Variants in CPEB3 observed in about 807,000 individuals in gnomAD.
CPEB3 encodes cytoplasmic polyadenylation element binding protein 3.
Under a neutral mutation model 67.2 loss-of-function variants are expected in CPEB3, and 20 were observed. That is an observed-to-expected ratio of 0.30 (90% CI 0.21 to 0.43). The LOEUF (loss-of-function observed/expected upper bound fraction) is 0.43, where lower values mean the gene tolerates loss of function less well. CPEB3 is among the 20% of genes least tolerant of loss of function. The probability of loss-of-function intolerance (pLI) is 1.00; values close to 1 mark genes in which losing one functional copy is unlikely to be tolerated. For missense variants in CPEB3, 746 were observed against 968.6 expected, an observed-to-expected ratio of 0.77 and a Z score of 3.05; for synonymous variants, 376 against 393.1, an observed-to-expected ratio of 0.96 and a Z score of 0.51.
In CPEB3 at chr10:92,263,004, A is replaced by G. The variant is rs1374937404; in HGVS notation, c.-11-22643T>C. 2.6e-5 allele frequency among the ~76,000 whole-genome samples: 4 copies of G among 152,202 alleles called. No homozygotes were observed. In the East Asian group the frequency reaches 7.8e-4, roughly 30 times the overall value. ...AGGCTGGTCTCAAATTCCTGGGCTC[A>G]AGCAGTCCTCCCGCCTCAGCCTCTC... On this transcript the variant is annotated intron_variant, in intron 1 of 9. Transcript: ENST00000265997.
chr10:92,185,514 A>G (rs964682168), intron 3 of CPEB3, among the ~76,000 whole-genome samples: 4 of 152,236 alleles, frequency 2.6e-5, no homozygotes, highest in Admixed American at 6.5e-5. Context: ...TCAAAGTTTC[A>G]GAATCCAACT....
At chr10:92,272,247 A>C (rs1853339468) in intron 1 of CPEB3, 1 of 152,152 alleles carries the variant, frequency 6.6e-6, no homozygotes, top group Admixed American at 6.5e-5. Context: ...AACTTTGGAC[A>C]GACTCTCATC....
chr10:92,135,860 A>C (rs111836917), intron 6 of CPEB3, among the ~76,000 whole-genome samples: 2 of 152,298 alleles, frequency 1.3e-5, no homozygotes, highest in African/African-American at 4.8e-5. Flanking sequence ...TGTCCTTTGT[A>C]GGGACATGGA....
In CPEB3 at chr10:92,052,545, C is replaced by T. The variant is rs886652263; in HGVS notation, c.1870-106G>A. On this transcript the variant is annotated intron_variant, in intron 9 of 9. Transcript: ENST00000265997. ...AGCTTCAACGTATGTCTCAATCAGACGCTGCTTTCAACTCTGCTGATACTG... is the reference window on the plus strand; with the variant it reads ...AGCTTCAACGTATGTCTCAATCAGATGCTGCTTTCAACTCTGCTGATACTG... The T allele has an allele frequency of 7.6e-5, 71 of 939,028 alleles. No homozygotes were observed. The African/African-American group carries it at 8.0e-4, about 11-fold the overall frequency. 58.2% of individuals were successfully genotyped at this position (939,028 alleles called of 1,614,324 possible). A position where few individuals can be genotyped will look rare whatever the true frequency, so the allele number is the denominator to read the frequency against.
At chr10:92,151,835 T>TCTCCAAGATCTATCTTTA (rs1264100739) in intron 4 of CPEB3, among the ~76,000 whole-genome samples, 1 of 152,128 alleles carries the variant, frequency 6.6e-6, no homozygotes, top group South Asian at 2.1e-4. Flanking sequence ...TTGATCCCAT[T>TCTCCAAGATCTATCTTTA]CTCCAAGATC....
At chr10:92,164,920 T>C (rs1024894225) in intron 4 of CPEB3, among the ~76,000 whole-genome samples, 36 of 152,318 alleles carry the variant, frequency 2.4e-4, no homozygotes, top group African/African-American at 8.2e-4. Context: ...TGTTTTCTAC[T>C]AATTATTACA....
intron 6 of CPEB3, among the ~76,000 whole-genome samples, chr10:92,139,535 A>G (rs992150588): frequency 2.6e-5 from 4 of 151,326 alleles, no homozygotes; most frequent in Non-Finnish European, 4.4e-5. Flanking sequence ...AGAGGCTGGA[A>G]AGAAGGTGGG....
At chr10:92,221,119 AC>A (rs1368633920) in intron 2 of CPEB3, among the ~76,000 whole-genome samples, 4 of 152,232 alleles carry the variant, frequency 2.6e-5, no homozygotes, top group African/African-American at 9.6e-5. Context: ...GGTCATTTGA[AC>A]AAACAGCAAT....
intron 4 of CPEB3, among the ~76,000 whole-genome samples, chr10:92,179,667 C>G (rs1848378991): frequency 6.6e-6 from 1 of 152,152 alleles, no homozygotes. Flanking sequence ...TTCTTATTGT[C>G]TCTAAGACCA....
At chr10:92,237,115 A>T (rs781308853) in intron 2 of CPEB3, among the ~76,000 whole-genome samples, 6 of 152,236 alleles carry the variant, frequency 3.9e-5, no homozygotes, top group Non-Finnish European at 5.9e-5. Flanking sequence ...AATTCTGCAC[A>T]CAAGACTCAG....
At chr10:92,177,442 A>G (rs1028562720) in intron 4 of CPEB3, among the ~76,000 whole-genome samples, 11 of 152,196 alleles carry the variant, frequency 7.2e-5, no homozygotes, top group Non-Finnish European at 1.6e-4. Flanking sequence ...TATTTTGAGA[A>G]AGGCCAAAAT....
At chr10:92,160,699 T>G (rs914407745) in intron 4 of CPEB3, among the ~76,000 whole-genome samples, 1 of 152,214 alleles carries the variant, frequency 6.6e-6, no homozygotes, top group African/African-American at 2.4e-5. Flanking sequence ...ATTGCAATAC[T>G]AAGGTACAAA....
intron 2 of CPEB3, among the ~76,000 whole-genome samples, chr10:92,208,181 T>C (rs956393936): frequency 3.3e-5 from 5 of 152,218 alleles, no homozygotes; most frequent in African/African-American, 7.2e-5. Context: ...AGCCTGAGTA[T>C]GCTAGAAAGT....
chr10:92,270,038 T>TG (rs1000912885), intron 1 of CPEB3, among the ~76,000 whole-genome samples: 14 of 39,980 alleles, frequency 3.5e-4, no homozygotes, highest in South Asian at 9.0e-4. Context: ...TTATGGGGGG[T>TG]GGGGGGGAAG....
At chr10:92,129,648 A>G (rs1845753032) in intron 6 of CPEB3, among the ~76,000 whole-genome samples, 1 of 152,162 alleles carries the variant, frequency 6.6e-6, no homozygotes, top group Admixed American at 6.5e-5. Flanking sequence ...TACTGGGATC[A>G]TATAACTGAC....
intron 2 of CPEB3, among the ~76,000 whole-genome samples, chr10:92,200,730 G>A (rs968027657): frequency 2.0e-5 from 3 of 151,836 alleles, no homozygotes; most frequent in African/African-American, 4.8e-5. Context: ...ACCAAGGATA[G>A]TATCACCTGC....
intron 2 of CPEB3, among the ~76,000 whole-genome samples, chr10:92,215,739 CTTTTT>C (rs373522649): frequency 2.0e-5 from 2 of 99,916 alleles, no homozygotes; most frequent in African/African-American, 3.9e-5. Context: ...TGGCGCCTGG[CTTTTT>C]TTTTTTTTTT....
intron 1 of CPEB3, among the ~76,000 whole-genome samples, chr10:92,255,596 G>A (rs1185222322): frequency 6.6e-6 from 1 of 152,188 alleles, no homozygotes; most frequent in Non-Finnish European, 1.5e-5. Flanking sequence ...GCTTCTAGAT[G>A]AGAACTCCGC....
Position 92,272,257 on chromosome 10 carries a change from C to A in CPEB3, c.-12+18669G>T, listed in dbSNP as rs531522592. ...TCACTAACTTTGGACAGACTCTCAT[C>A]ATTTTTTGTTCATTATTCTATTCTA... On this transcript the variant is annotated intron_variant, in intron 1 of 9. Coordinates refer to ENST00000265997, the MANE Select transcript of CPEB3 (RefSeq NM_014912.5). The A allele has an allele frequency of 2.0e-5, 3 of 152,228 alleles. No homozygotes were observed. In the South Asian group the frequency reaches 6.2e-4, roughly 32 times the overall value. 9.4% of individuals were successfully genotyped at this position (152,228 alleles called of 1,614,324 possible). A position where few individuals can be genotyped will look rare whatever the true frequency, so the allele number is the denominator to read the frequency against.
Sources: gnomAD v4.1 joint callset for allele counts (sites outside exome capture counted in the v4.1 genomes callset) on GRCh38, gnomAD v4.1.1 for gene constraint, MANE v1.5 for transcripts, NCBI Gene and HGNC (gene_info 2026-07-23, HGNC 2026-07-21) for gene names.